The following BBS4 variants were observed in gnomAD, a reference collection of about 807,000 sequenced individuals.
BBS4 encodes the protein Bardet-Biedl syndrome 4.
Under a neutral mutation model 71.4 loss-of-function variants are expected in BBS4, and 58 were observed. The observed-to-expected ratio is 0.81, with a 90% CI of 0.66 to 1.01. BBS4 has a LOEUF of 1.01. BBS4 is among the 50% of genes least tolerant of loss of function. BBS4 has a pLI of 0.00. For missense variants in BBS4, 660 were observed against 607.9 expected, an observed-to-expected ratio of 1.09 and a Z score of -0.90; for synonymous variants, 228 against 216.8, an observed-to-expected ratio of 1.05 and a Z score of -0.46.
At position 72,694,697 on chromosome 15, in the gene BBS4, G is replaced by T. The variant is rs542384341; in HGVS notation, c.25-480G>T. Among the ~76,000 whole-genome samples, 208 of 152,268 alleles carry T rather than the reference G, an allele frequency of 1.4e-3. 1 individual carries two copies. Among genetic ancestry groups the T allele is most frequent in the African/African-American group, 4.7e-3 (197 of 41,560 alleles). ...GGTATGTCATAGGAAGTTGAGAAAA[G>T]AAAAATTCATTTGATGGTTTTCTAT... is the stretch of plus-strand genomic sequence containing the variant. On this transcript the variant is annotated intron_variant, in intron 1 of 15. Coordinates refer to ENST00000268057, the MANE Select transcript of BBS4 (RefSeq NM_033028.5).
intron 9 of BBS4, 49 bp from the exon 10 acceptor site, chr15:72,729,567 C>T: frequency 5.1e-6 from 8 of 1,578,022 alleles, no homozygotes; most frequent in Non-Finnish European, 7.0e-6. Context: ...ACTCTTTTAA[C>T]TGCCGTCTCC....
chr15:72,732,213 A>G (rs181181529), intron 12 of BBS4, among the ~76,000 whole-genome samples: 724 of 152,278 alleles, frequency 4.8e-3, no homozygotes, highest in Non-Finnish European at 7.0e-3. Context: ...TAATTGGTCT[A>G]TTATTATCAA....
At chr15:72,722,174 A>C (rs1595935238) in intron 6 of BBS4, among the ~76,000 whole-genome samples, 1 of 152,316 alleles carries the variant, frequency 6.6e-6, no homozygotes, top group East Asian at 1.9e-4. Flanking sequence ...AGGGCAGGGA[A>C]TGGATTTGGC....
At chr15:72,686,390 C>T (rs1001059526) in intron 1 of BBS4, 139 bp downstream of exon 1, 7 of 1,536,702 alleles carry the variant, frequency 4.6e-6, no homozygotes, top group Non-Finnish European at 6.1e-6. Context: ...CGACACGGTC[C>T]CCTTTTTACT....
chr15:72,705,717 G>C (rs1450367728), intron 2 of BBS4, among the ~76,000 whole-genome samples: 1 of 148,154 alleles, frequency 6.7e-6, no homozygotes, highest in Non-Finnish European at 1.5e-5. Flanking sequence ...TCAGCCTCCT[G>C]AGTAGCTGGG....
At chr15:72,711,171 G>C (rs1308733541) in intron 3 of BBS4, among the ~76,000 whole-genome samples, 1 of 150,442 alleles carries the variant, frequency 6.6e-6, no homozygotes, top group African/African-American at 2.4e-5. Flanking sequence ...TTTTGAGATG[G>C]AGTTTTGCTC....
rs1157159655 is a variant in BBS4 at position 72,709,751 on chromosome 15, A to G, written c.128A>G (p.Tyr43Cys). 1.2e-6 allele frequency: 2 copies of G among 1,613,766 alleles called. No homozygotes were observed. Among genetic ancestry groups the G allele is most frequent in the Admixed American group, 1.7e-5 (1 of 60,002 alleles). The change falls in exon 3 of 16, where the codon TAT (tyrosine) becomes TGT (cysteine). Residue 43 changes from tyrosine (Y) to cysteine (C), a missense_variant. By Grantham distance (194) the Tyr-to-Cys change is radical. Coordinates refer to ENST00000268057, the MANE Select transcript of BBS4 (RefSeq NM_033028.5). ...EKQNWLIHLH[Y>C]IRKDYEACKA... ...CAGAACTGGTTGATTCATCTTCATT[A>G]TATCCGGAAAGATTATGAAGCCTGC...
In BBS4 at chr15:72,731,292, G is replaced by A. The variant is rs2065815003; in HGVS notation, c.712-13G>A. 1 of 1,613,948 alleles carries A rather than the reference G, an allele frequency of 6.2e-7. No individual in the cohort carries two copies. The highest frequency in any genetic ancestry group is 8.5e-7 in the Non-Finnish European group (1 of 1,179,986). ...GGAATGACTGAATGACTTTCTCTGT[G>A]CCATGTTTTCAGGCCATCTTGGCAG... On this transcript the variant is annotated splice_polypyrimidine_tract_variant and intron_variant, in intron 10 of 15. Transcript: ENST00000268057.
chr15:72,718,137 C>T lies in BBS4; in HGVS notation c.405+1287C>T, dbSNP rs576874232. 2.0e-5 allele frequency among the ~76,000 whole-genome samples: 3 copies of T among 152,290 alleles called. No individual in the cohort carries two copies. In the South Asian group the frequency reaches 6.2e-4, roughly 32 times the overall value. ...GTGTTGGGATTATAGGTGTGAGACACCACGCCTGACCCTCCTTGTCATTTT... is the reference window on the plus strand; with the variant it reads ...GTGTTGGGATTATAGGTGTGAGACATCACGCCTGACCCTCCTTGTCATTTT... On this transcript the variant is annotated intron_variant, in intron 6 of 15. Transcript: ENST00000268057.
At position 72,710,195 on chromosome 15, in the gene BBS4, GTTTTTTTTTTTTTTT is replaced by G. The variant is rs66684005; in HGVS notation, c.156+427_156+441del. ...TAGATGAAAAATGGTATTTTGTCGA[GTTTTTTTTTTTTTTT>G]TTTTTTTTTTGAGATGGAGTCTCAC... On this transcript the variant is annotated intron_variant, in intron 3 of 15. Transcript: ENST00000268057. 8.8e-4 allele frequency among the ~76,000 whole-genome samples: 91 copies of G among 103,444 alleles called. 4 individuals carry two copies. Among genetic ancestry groups the G allele is most frequent in the Non-Finnish European group, 2.2e-4 (12 of 54,076 alleles). The allele number at this position is 103,444 out of a possible 152,430, so 67.9% of individuals were successfully genotyped here. A position where few individuals can be genotyped will look rare whatever the true frequency, so the allele number is the denominator to read the frequency against.
At chr15:72,696,821 C>T (rs1364825802) in intron 2 of BBS4, among the ~76,000 whole-genome samples, 1 of 152,016 alleles carries the variant, frequency 6.6e-6, no homozygotes, top group Non-Finnish European at 1.5e-5. Flanking sequence ...GAACTCCTGG[C>T]TTCAAGTGAT....
intron 3 of BBS4, among the ~76,000 whole-genome samples, chr15:72,710,195 G>GTTTTTTTTTT (rs66684005): frequency 3.9e-5 from 4 of 103,434 alleles, no homozygotes; most frequent in African/African-American, 1.5e-4. Context: ...ATTTTGTCGA[G>GTTTTTTTTTT]TTTTTTTTTT....
intron 6 of BBS4, among the ~76,000 whole-genome samples, chr15:72,720,661 C>G (rs1384653133): frequency 6.6e-6 from 1 of 152,030 alleles, no homozygotes; most frequent in Non-Finnish European, 1.5e-5. Context: ...AGTGAGGAAG[C>G]TAAGGCTTTG....
At chr15:72,715,193 G>T in intron 4 of BBS4, 98 bp from the exon 5 acceptor site, 1 of 806,704 alleles carries the variant, frequency 1.2e-6, no homozygotes, top group Non-Finnish European at 2.1e-6. Flanking sequence ...TACTTGATGT[G>T]GTTTCCCAGT....
chr15:72,687,703 G>T (rs577052274), intron 1 of BBS4, among the ~76,000 whole-genome samples: 1 of 152,234 alleles, frequency 6.6e-6, no homozygotes, highest in South Asian at 2.1e-4. Flanking sequence ...TGAGGTGGGT[G>T]GATCGCCTGA....
intron 2 of BBS4, among the ~76,000 whole-genome samples, chr15:72,705,049 C>T (rs1028266465): frequency 6.6e-6 from 1 of 152,090 alleles, no homozygotes; most frequent in African/African-American, 2.4e-5. Flanking sequence ...TTTCCTGACC[C>T]TTCTATTTAA....
rs2065827783 is a variant in BBS4, at chr15:72,731,684, A to G, written c.994A>G (p.Asn332Asp). 23 of 1,614,224 alleles carry G rather than the reference A, an allele frequency of 1.4e-5. No homozygotes were observed. Among genetic ancestry groups the G allele is most frequent in the Non-Finnish European group, 1.9e-5 (23 of 1,180,044 alleles). The change falls in exon 12 of 16, where the codon AAC becomes GAC. Residue 332 changes from asparagine to aspartate, a missense_variant. Transcript: ENST00000268057. The part of the protein sequence containing the change: ...SAFHFLSAAI[N>D]FQPKMGELYM... The stretch of plus-strand genomic sequence containing the variant: ...TTTTCATTTTCTCAGTGCGGCCATC[A>G]ACTTCCAGCCAAAGATGGGGGAGCT...
intron 10 of BBS4, among the ~76,000 whole-genome samples, chr15:72,730,199 C>A (rs1361821639): frequency 6.6e-6 from 1 of 151,618 alleles, no homozygotes; most frequent in Admixed American, 6.6e-5. Flanking sequence ...ATGGCGTGAA[C>A]CCGGGAGGCA....
intron 6 of BBS4, among the ~76,000 whole-genome samples, chr15:72,721,474 G>GA (rs932312892): frequency 6.1e-4 from 90 of 148,226 alleles, no homozygotes; most frequent in East Asian, 5.5e-3. Flanking sequence ...AACTAAAAAA[G>GA]AAAAAAAAAA....
Sources: allele counts gnomAD v4.1 joint callset (sites outside exome capture counted in the v4.1 genomes callset), GRCh38; gene constraint gnomAD v4.1.1; transcripts MANE v1.5; gene names NCBI Gene and HGNC (gene_info 2026-07-23, HGNC 2026-07-21).